Variants in ADH1C observed in about 807,000 individuals in gnomAD.
ADH1C encodes the protein alcohol dehydrogenase 1C.
In ADH1C, 26 loss-of-function variants were observed where a neutral mutation model predicts 35.0. The ratio of observed to expected loss-of-function variants is 0.74; its 90% CI spans 0.54 to 1.03. The LOEUF is 1.03. Ranked by LOEUF, ADH1C falls within the 50% of genes least tolerant of loss-of-function variation. ADH1C has a pLI of 0.00. For missense variants in ADH1C, 413 were observed against 465.4 expected, an observed-to-expected ratio of 0.89 and a Z score of 1.04; for synonymous variants, 170 against 169.3, an observed-to-expected ratio of 1.00 and a Z score of -0.03.
chr4:99,347,858 G>A lies in ADH1C; in HGVS notation c.19-12C>T, dbSNP rs1404224881. ...TTGCATTTGATTACCTAGAACATCAGACAGAGAGATGGTACCAGTGTTTTC... is the reference window on the plus strand; with the variant it reads ...TTGCATTTGATTACCTAGAACATCAAACAGAGAGATGGTACCAGTGTTTTC... On this transcript the variant is annotated splice_polypyrimidine_tract_variant and intron_variant, in intron 1 of 8. Transcript: ENST00000515683. 6.2e-7 allele frequency: 1 copy of A among 1,613,316 alleles called. No homozygotes were observed. The highest frequency in any genetic ancestry group is 1.7e-5 in the Admixed American group (1 of 59,962).
At position 99,345,028 on chromosome 4, in the gene ADH1C, C is replaced by T; in HGVS notation, c.401G>A (p.Ser134Asn). 1 of 1,614,220 alleles carries T rather than the reference C, an allele frequency of 6.2e-7. No individual in the cohort carries two copies. The highest frequency in any genetic ancestry group is 8.5e-7 in the Non-Finnish European group (1 of 1,180,044). ...LQDGTRRFTC[S>N]GKPIHHFVGV... ...GACGAAGTGGTGGATGGGCTTCCCGCTGCAGGTGAACCTCCTGGTGCCATC... is the reference window on the plus strand; with the variant it reads ...GACGAAGTGGTGGATGGGCTTCCCGTTGCAGGTGAACCTCCTGGTGCCATC... Residue 134 changes from serine (S) to asparagine (N), a missense_variant, in exon 5 of 9, where the codon AGC (serine) becomes AAC (asparagine). Transcript: ENST00000515683.
chr4:99,348,518 G>C (rs1412443849), intron 1 of ADH1C, among the ~76,000 whole-genome samples: 1 of 150,306 alleles, frequency 6.7e-6, no homozygotes, highest in Admixed American at 6.6e-5. Flanking sequence ...TCTTAATCCA[G>C]TCTATCATTG....
intron 5 of ADH1C, among the ~76,000 whole-genome samples, chr4:99,344,380 T>C (rs1734480323): frequency 1.3e-5 from 2 of 152,164 alleles, no homozygotes; most frequent in South Asian, 4.1e-4. Context: ...ACAGAGTGGG[T>C]GAGCCTTGGT....
chr4:99,348,648 G>A (rs1160876214), intron 1 of ADH1C, among the ~76,000 whole-genome samples: 4 of 148,314 alleles, frequency 2.7e-5, no homozygotes, highest in Non-Finnish European at 4.5e-5. Context: ...ACCCAGTAAT[G>A]GGATGGCTGG....
At chr4:99,348,284 AC>A (rs1166688979) in intron 1 of ADH1C, among the ~76,000 whole-genome samples, 1 of 76,664 alleles carries the variant, frequency 1.3e-5, no homozygotes, top group African/African-American at 5.3e-5. Context: ...CCCTCCCCCC[AC>A]CCCACAATAG....
intron 7 of ADH1C, 78 bp downstream of exon 7, chr4:99,340,497 A>G: frequency 1.3e-6 from 2 of 1,509,250 alleles, no homozygotes; most frequent in Non-Finnish European, 1.8e-6. Context: ...TTGCTTTTCA[A>G]AAACTTGCCT....
At chr4:99,350,309 G>A (rs1449346306) in intron 1 of ADH1C, among the ~76,000 whole-genome samples, 2 of 152,112 alleles carry the variant, frequency 1.3e-5, no homozygotes, top group Admixed American at 6.6e-5. Context: ...GGTGCAGGTT[G>A]TTTTTGATTA....
intron 3 of ADH1C, 144 bp from the exon 4 acceptor site, chr4:99,345,410 C>T: frequency 2.2e-6 from 2 of 897,416 alleles, no homozygotes; most frequent in Non-Finnish European, 3.4e-6. Context: ...TGTCATTTGT[C>T]ATTGCCTGCC....
At chr4:99,351,984 C>A (rs1480761470) in intron 1 of ADH1C, among the ~76,000 whole-genome samples, 2 of 152,084 alleles carry the variant, frequency 1.3e-5, no homozygotes, top group African/African-American at 4.8e-5. Context: ...TCTGTAAGAT[C>A]ATATTGACTT....
Position 99,341,138 on chromosome 4 carries a change from A to G in ADH1C, c.829-428T>C, listed in dbSNP as rs145628938. Among the ~76,000 whole-genome samples, 4 of 152,294 alleles carry G rather than the reference A, an allele frequency of 2.6e-5. No homozygotes were observed. The East Asian group carries it at 7.7e-4, about 29-fold the overall frequency. ...GATGAACAAGATAAATGAGTATATC[A>G]CCAAAATTAGTCTCTTGTCCACTTG... is the stretch of plus-strand genomic sequence containing the variant. On this transcript the variant is annotated intron_variant, in intron 6 of 8. Transcript: ENST00000515683.
rs1455079154 is a variant in ADH1C at position 99,347,778 on chromosome 4, A to G, written c.87T>C (p.Val29=). The G allele has an allele frequency of 6.2e-7, 1 of 1,613,542 alleles. No homozygotes were observed. Residue 29 remains valine, a synonymous_variant, in exon 2 of 9, where the codon GTT becomes GTC. Coordinates refer to ENST00000515683, the MANE Select transcript of ADH1C (RefSeq NM_000669.5). ...KKPFSIEEVE[V]APPKAHEVRI... Reference sequence around the variant, plus strand: ...GAACTTCATGAGCCTTAGGAGGTGCAACCTCTACCTCCTCAATGGAAAAGG... The same window carrying G: ...GAACTTCATGAGCCTTAGGAGGTGCGACCTCTACCTCCTCAATGGAAAAGG...
At chr4:99,339,746 C>T (rs1258158901) in intron 7 of ADH1C, 31 bp from the exon 8 acceptor site, 1 of 1,585,044 alleles carries the variant, frequency 6.3e-7, no homozygotes, top group Non-Finnish European at 8.6e-7. Flanking sequence ...TTGATAGATT[C>T]AACCAGGGTA....
chr4:99,343,169 C>T, intron 5 of ADH1C, 114 bp from the exon 6 acceptor site: 2 of 1,434,288 alleles, frequency 1.4e-6, no homozygotes, highest in Non-Finnish European at 1.9e-6. Flanking sequence ...CTCTTCTGTC[C>T]AATCTGTTAT....
intron 1 of ADH1C, among the ~76,000 whole-genome samples, chr4:99,351,886 A>C (rs1734686754): frequency 1.3e-5 from 2 of 152,374 alleles, no homozygotes; most frequent in South Asian, 4.1e-4. Context: ...CTGTAAACAC[A>C]TTGAAAAATA....
chr4:99,337,151 T>C (rs1378246449), intron 8 of ADH1C, among the ~76,000 whole-genome samples: 1 of 152,170 alleles, frequency 6.6e-6, no homozygotes, highest in Non-Finnish European at 1.5e-5. Context: ...GCTTCATGCA[T>C]TTTTTTCACT....
intron 7 of ADH1C, 70 bp downstream of exon 7, chr4:99,340,505 C>T (rs1734387469): frequency 1.3e-6 from 2 of 1,543,078 alleles, no homozygotes; most frequent in African/African-American, 1.4e-5. Context: ...CAAAAACTTG[C>T]CTTGTCACTC....
chr4:99,344,752 C>T (rs980989198), intron 5 of ADH1C, 110 bp downstream of exon 5: 7 of 1,394,304 alleles, frequency 5.0e-6, no homozygotes, highest in East Asian at 2.4e-5. Flanking sequence ...TACTCTTAAT[C>T]GACACTTCAA....
Position 99,339,669 on chromosome 4 carries a change from C to G in ADH1C, c.1011G>C (p.Met337Ile). The G allele has an allele frequency of 6.2e-7, 1 of 1,611,374 alleles. No homozygotes were observed. Among genetic ancestry groups the G allele is most frequent in the Non-Finnish European group, 8.5e-7 (1 of 1,178,958 alleles). ...ATGCATCCAGTGAAAACTTCTTAGCCATAAAGTCAGCCACAAGTTTGGGGA... is the reference window on the plus strand; with the variant it reads ...ATGCATCCAGTGAAAACTTCTTAGCGATAAAGTCAGCCACAAGTTTGGGGA... Reference protein sequence around the residue: ...ESVPKLVADFMAKKFSLDALI... With the variant: ...ESVPKLVADFIAKKFSLDALI... The change falls in exon 8 of 9, where the codon ATG (methionine) becomes ATC (isoleucine). Residue 337 changes from methionine to isoleucine, a missense_variant. Coordinates refer to ENST00000515683, the MANE Select transcript of ADH1C (RefSeq NM_000669.5).
chr4:99,345,193 G>C lies in ADH1C; in HGVS notation c.333C>G (p.Tyr111Ter), dbSNP rs1177814017. The change falls in exon 4 of 9, where the codon TAC becomes TAG. Residue 111 changes from tyrosine to a stop codon, truncating the protein, a stop_gained. Coordinates refer to ENST00000515683, the MANE Select transcript of ADH1C (RefSeq NM_000669.5). LOFTEE classifies it high-confidence loss of function. ...CAGAAACTTACTCATTTTTCAAGCA[G>C]TAGTTGCTTTCTGGGTTTTTACAAA... is the stretch of plus-strand genomic sequence containing the variant. ...CRICKNPESNYCLKNDLGNPR... is the reference protein window; with the variant it reads ...CRICKNPESN 2 of 1,614,026 alleles carry C rather than the reference G, an allele frequency of 1.2e-6. No homozygotes were observed. Among genetic ancestry groups the C allele is most frequent in the Non-Finnish European group, 1.7e-6 (2 of 1,179,918 alleles).
Sources: gnomAD v4.1 joint callset for allele counts (sites outside exome capture counted in the v4.1 genomes callset) on GRCh38, gnomAD v4.1.1 for gene constraint, MANE v1.5 for transcripts, NCBI Gene and HGNC (gene_info 2026-07-23, HGNC 2026-07-21) for gene names.